Variants in LRP6 observed in about 807,000 individuals in gnomAD.
The protein encoded by LRP6 is low-density lipoprotein receptor-related protein 6.
LRP6 carries 43 observed loss-of-function variants against 184.1 expected under a neutral mutation model. That is an observed-to-expected ratio of 0.23 (90% CI 0.18 to 0.30). LRP6 has a LOEUF of 0.30. LRP6 is among the 10% of genes least tolerant of loss of function. The pLI is 1.00. For synonymous variants in LRP6, 719 were observed against 684.9 expected (o/e 1.05, Z -0.78); for missense variants, 1,571 against 2,005.3 (o/e 0.78, Z 4.14).
At chr12:12,244,952 A>G (rs1865150868) in intron 1 of LRP6, among the ~76,000 whole-genome samples, 1 of 152,236 alleles carries the variant, frequency 6.6e-6, no homozygotes, top group East Asian at 1.9e-4. Context: ...ATATGGAGCT[A>G]CTGGAACACT....
At chr12:12,265,791 A>G (rs1004037458) in intron 1 of LRP6, among the ~76,000 whole-genome samples, 4 of 152,210 alleles carry the variant, frequency 2.6e-5, no homozygotes, top group African/African-American at 7.2e-5. Context: ...AAAGTCACAG[A>G]GCATGTGTCA....
At chr12:12,208,320 T>A (rs866101429) in intron 2 of LRP6, among the ~76,000 whole-genome samples, 8 of 152,224 alleles carry the variant, frequency 5.3e-5, no homozygotes, top group South Asian at 4.1e-4. Context: ...AGTAGAGTAA[T>A]GAACGTTTGT....
intron 7 of LRP6, among the ~76,000 whole-genome samples, chr12:12,169,197 C>A (rs942841282): frequency 1.4e-4 from 21 of 151,490 alleles, no homozygotes; most frequent in Non-Finnish European, 2.4e-4. Context: ...CCATTGCACT[C>A]CAGCCTGGGC....
intron 14 of LRP6, 54 bp from the exon 15 acceptor site, chr12:12,147,610 T>C (rs1338200055): frequency 7.5e-7 from 1 of 1,335,534 alleles, no homozygotes; most frequent in East Asian, 2.3e-5. Context: ...CCACATAAAA[T>C]GAGGATATTC....
At chr12:12,186,800 CT>C in intron 4 of LRP6, 122 bp downstream of exon 4, 2 of 916,752 alleles carry the variant, frequency 2.2e-6, no homozygotes, top group Non-Finnish European at 3.6e-6. Context: ...GATTTTAACT[CT>C]TTTTTATTCC....
Position 12,187,993 on chromosome 12 carries a change from C to G in LRP6, c.648-874G>C, listed in dbSNP as rs183766318. 2.1e-4 allele frequency among the ~76,000 whole-genome samples: 32 copies of G among 152,018 alleles called. No individual in the cohort carries two copies. In the Middle Eastern group the frequency reaches 0.01, roughly 48 times the overall value. ...TTGGGAGGCCGAGGTGGGTGGATCA[C>G]AAGGTCAGGAGTTCAAGACCAGCCT... On this transcript the variant is annotated intron_variant, in intron 3 of 22. Coordinates refer to ENST00000261349, the MANE Select transcript of LRP6 (RefSeq NM_002336.3).
chr12:12,254,590 G>A (rs553451191), intron 1 of LRP6, among the ~76,000 whole-genome samples: 2 of 152,256 alleles, frequency 1.3e-5, no homozygotes, highest in African/African-American at 4.8e-5. Context: ...TGGCAATATA[G>A]TTATCTGCAG....
rs758458844 is a variant in LRP6, at chr12:12,131,985, C to T, written c.3806G>A (p.Arg1269Gln). The change falls in exon 18 of 23, where the codon CGG becomes CAG. Residue 1269 changes from arginine (R) to glutamine (Q), a missense_variant. This residue lies in a region of LRP6 where 763 missense variants were observed against 859.5 expected (regional missense o/e 0.89). Coordinates refer to ENST00000261349, the MANE Select transcript of LRP6 (RefSeq NM_002336.3). ...TTCACATTCAGTAAACCCATCGCAC[C>T]GCCAAGCCACAGGGATACAGTCAAT... ...GEIDCIPVAW[R>Q]CDGFTECEDH... The T allele has an allele frequency of 4.5e-5, 72 of 1,613,936 alleles. No individual in the cohort carries two copies. The South Asian group carries it at 5.7e-4, about 13-fold the overall frequency.
chr12:12,215,972 AC>A (rs1353091126), intron 2 of LRP6, among the ~76,000 whole-genome samples: 1 of 152,066 alleles, frequency 6.6e-6, no homozygotes, highest in African/African-American at 2.4e-5. Context: ...AGATGGGGCC[AC>A]TGCACTCTAG....
In LRP6 at chr12:12,127,669, T is replaced by C. The variant is rs76576128; in HGVS notation, c.4082-748A>G. Among the ~76,000 whole-genome samples, 219 of 152,232 alleles carry C rather than the reference T, an allele frequency of 1.4e-3. 3 individuals are homozygous for C. In the East Asian group the frequency reaches 0.037, roughly 26 times the overall value. ...CCGTTTAAGAAGCAGAGGGCATCAA[T>C]ATCAGAGGTAGAGGGAAAGTGAGCT... On this transcript the variant is annotated intron_variant, in intron 19 of 22. Coordinates refer to ENST00000261349, the MANE Select transcript of LRP6 (RefSeq NM_002336.3).
intron 22 of LRP6, among the ~76,000 whole-genome samples, chr12:12,123,529 G>C (rs1371944036): frequency 6.6e-6 from 1 of 152,186 alleles, no homozygotes; most frequent in Non-Finnish European, 1.5e-5. Flanking sequence ...AGATTATCTA[G>C]AGAGGATAGA....
At chr12:12,239,939 G>A (rs1036628833) in intron 2 of LRP6, among the ~76,000 whole-genome samples, 5 of 151,436 alleles carry the variant, frequency 3.3e-5, no homozygotes, top group African/African-American at 7.3e-5. Context: ...TTTGAGACAC[G>A]GTGATGGATA....
At chr12:12,193,032 T>TATA (rs1296692242) in intron 3 of LRP6, among the ~76,000 whole-genome samples, 3 of 152,024 alleles carry the variant, frequency 2.0e-5, no homozygotes, top group Non-Finnish European at 2.9e-5. Context: ...ACTGAACTCA[T>TATA]ATAAAATAGA....
intron 15 of LRP6, among the ~76,000 whole-genome samples, chr12:12,144,663 T>C (rs970807232): frequency 2.6e-5 from 4 of 151,946 alleles, no homozygotes; most frequent in African/African-American, 4.8e-5. Flanking sequence ...AAACAAAAGA[T>C]AGTTTAAAAT....
intron 19 of LRP6, among the ~76,000 whole-genome samples, chr12:12,128,876 T>C (rs1949709647): frequency 1.3e-5 from 2 of 152,168 alleles, no homozygotes; most frequent in Non-Finnish European, 2.9e-5. Flanking sequence ...TTCCTCTTTA[T>C]TCTACTTCTG....
chr12:12,137,710 G>T (rs1210138164), intron 16 of LRP6, among the ~76,000 whole-genome samples: 1 of 151,892 alleles, frequency 6.6e-6, no homozygotes, highest in Non-Finnish European at 1.5e-5. Flanking sequence ...ATTCCCAAAG[G>T]AACTGAAGGA....
intron 2 of LRP6, among the ~76,000 whole-genome samples, chr12:12,207,411 C>A (rs1420598872): frequency 6.6e-6 from 1 of 151,956 alleles, no homozygotes; most frequent in Non-Finnish European, 1.5e-5. Context: ...CCCAGCTACT[C>A]AGGAGGCTGA....
intron 16 of LRP6, among the ~76,000 whole-genome samples, chr12:12,136,870 A>C (rs1288175089): frequency 6.6e-6 from 1 of 152,222 alleles, no homozygotes; most frequent in African/African-American, 2.4e-5. Context: ...ATATACAATC[A>C]TATTTAAATA....
chr12:12,235,483 C>A (rs1234994407), intron 2 of LRP6, among the ~76,000 whole-genome samples: 2 of 152,054 alleles, frequency 1.3e-5, no homozygotes, highest in African/African-American at 4.8e-5. Context: ...TAATCTCACG[C>A]ACTTTGGGAG....
Sources: allele counts gnomAD v4.1 joint callset (sites outside exome capture counted in the v4.1 genomes callset), GRCh38; gene constraint gnomAD v4.1.1; regional missense constraint gnomAD v4.1.1; transcripts MANE v1.5; gene names NCBI Gene and HGNC (gene_info 2026-07-23, HGNC 2026-07-21).